Variants in LPP observed in about 807,000 individuals in gnomAD.
LPP encodes LIM domain containing preferred translocation partner in lipoma.
A neutral mutation model predicts 60.4 loss-of-function variants in LPP; 38 were observed. The observed-to-expected ratio is 0.63, with a 90% confidence interval of 0.49 to 0.83. LPP has a LOEUF of 0.83. Among genes scored for constraint, LPP ranks in the 40% least tolerant of loss-of-function variants. The probability of loss-of-function intolerance (pLI) is 0.00; values close to 1 mark genes in which losing one functional copy is unlikely to be tolerated. For missense variants in LPP, 902 were observed against 783.6 expected (o/e 1.15, Z -1.80); for synonymous variants, 328 against 290.8 (o/e 1.13, Z -1.30).
At position 188,747,746 on chromosome 3, in the gene LPP, TC is replaced by T. The variant is rs774665190; in HGVS notation, c.1241-12364del. Among the ~76,000 whole-genome samples, 157 of 152,314 alleles carry T rather than the reference TC, an allele frequency of 1.0e-3. 3 individuals carry two copies. Among genetic ancestry groups the T allele is most frequent in the Admixed American group, 7.8e-3 (120 of 15,290 alleles). On this transcript the variant is annotated intron_variant, in intron 8 of 11. Coordinates refer to ENST00000617246, the MANE Select transcript of LPP (RefSeq NM_001375462.1). ...CACACATATGTGTATTAATAACTGT[TC>T]CCTAGACGTCACTTCAGCGCTCAGA...
chr3:188,839,682 G>A (rs1466159554), intron 9 of LPP, among the ~76,000 whole-genome samples: 1 of 151,858 alleles, frequency 6.6e-6, no homozygotes, highest in African/African-American at 2.4e-5. Context: ...AGACCATCCT[G>A]GCCAACATGG....
intron 2 of LPP, among the ~76,000 whole-genome samples, chr3:188,249,829 TACACACACACACACACAC>T (rs61215623): frequency 4.5e-5 from 5 of 111,164 alleles, no homozygotes; most frequent in Admixed American, 9.9e-5. Flanking sequence ...TTTCTCTGTC[TACACACACACACACACAC>T]ACACACACAC....
chr3:188,419,533 T>C (rs1027656238), intron 4 of LPP, among the ~76,000 whole-genome samples: 1 of 152,192 alleles, frequency 6.6e-6, no homozygotes, highest in African/African-American at 2.4e-5. Context: ...ATTTTACCTC[T>C]TAATTCTCTG....
chr3:188,501,593 CA>C (rs1343482637), intron 5 of LPP, among the ~76,000 whole-genome samples: 2 of 152,156 alleles, frequency 1.3e-5, no homozygotes, highest in African/African-American at 4.8e-5. Flanking sequence ...ACTAAAATTA[CA>C]AAAAATTAGC....
rs1235790625 is a variant in LPP, at chr3:188,572,517, T to C, written c.430-36644T>C. Among the ~76,000 whole-genome samples the C allele has an allele frequency of 6.6e-6, 1 of 152,076 alleles. No homozygotes were observed. The highest frequency in any genetic ancestry group is 1.5e-5 in the Non-Finnish European group (1 of 68,018). On this transcript the variant is annotated intron_variant, in intron 6 of 11. Transcript: ENST00000617246. This position sits in a 1 kb window ranked among gnomAD's most constrained non-coding sequence, Gnocchi z 4.1. ...GTGAGCAGAGTGCAATGAAAGAATA[T>C]TTTGGATTGACCAAAAGTCTAGAGA...
chr3:188,725,077 T>G (rs1577211255), intron 8 of LPP, among the ~76,000 whole-genome samples: 2 of 152,372 alleles, frequency 1.3e-5, no homozygotes, highest in South Asian at 4.1e-4. Flanking sequence ...CAGACACTGA[T>G]TAACTGATTC....
chr3:188,825,197 C>G (rs1483552372), intron 9 of LPP, among the ~76,000 whole-genome samples: 1 of 150,484 alleles, frequency 6.6e-6, no homozygotes, highest in Non-Finnish European at 1.5e-5. Flanking sequence ...GAATAGTGAC[C>G]ATCTGTGCTG....
At chr3:188,258,573 G>A (rs1333720966) in intron 2 of LPP, among the ~76,000 whole-genome samples, 1 of 152,142 alleles carries the variant, frequency 6.6e-6, no homozygotes, top group Non-Finnish European at 1.5e-5. Context: ...CTCCCACCTT[G>A]GCCTCCCAAA....
chr3:188,714,465 T>A lies in LPP; in HGVS notation c.1240+6072T>A, dbSNP rs566606321. Among the ~76,000 whole-genome samples, 7 of 152,294 alleles carry A rather than the reference T, an allele frequency of 4.6e-5. No homozygotes were observed. In the South Asian group the frequency reaches 1.2e-3, roughly 27 times the overall value. Reference sequence around the variant, plus strand: ...TACCTACCTATCAGCCATTTTGCAGTCTGTAGTTCTTCTCTTGACCATGGG... The same window carrying A: ...TACCTACCTATCAGCCATTTTGCAGACTGTAGTTCTTCTCTTGACCATGGG... On this transcript the variant is annotated intron_variant, in intron 8 of 11. Transcript: ENST00000617246.
intron 9 of LPP, among the ~76,000 whole-genome samples, chr3:188,797,561 C>T (rs868536327): frequency 1.1e-4 from 17 of 152,266 alleles, no homozygotes; most frequent in Middle Eastern, 3.4e-3. Context: ...CCTGACCTGC[C>T]GTGTGTTCCC....
intron 3 of LPP, among the ~76,000 whole-genome samples, chr3:188,367,688 T>C (rs1771631427): frequency 6.6e-6 from 1 of 152,208 alleles, no homozygotes; most frequent in South Asian, 2.1e-4. Flanking sequence ...AAATACTAGA[T>C]TCATAAATGG....
intron 2 of LPP, among the ~76,000 whole-genome samples, chr3:188,257,521 AAC>A (rs1732061457): frequency 6.6e-6 from 1 of 152,228 alleles, no homozygotes; most frequent in Non-Finnish European, 1.5e-5. Context: ...ATGTAGTTTA[AAC>A]AGACTGGTTT....
chr3:188,245,362 C>T (rs1039749336), intron 2 of LPP, among the ~76,000 whole-genome samples: 3 of 152,270 alleles, frequency 2.0e-5, no homozygotes, highest in South Asian at 2.1e-4. Flanking sequence ...CTGCCTGCCT[C>T]GGCCTCCCAA....
intron 5 of LPP, among the ~76,000 whole-genome samples, chr3:188,518,386 A>AG (rs1817988004): frequency 6.6e-6 from 1 of 152,206 alleles, no homozygotes; most frequent in African/African-American, 2.4e-5. Flanking sequence ...ACACAATGTA[A>AG]TTTTTGTATT....
At chr3:188,466,235 G>A (rs1332636675) in intron 4 of LPP, among the ~76,000 whole-genome samples, 3 of 152,090 alleles carry the variant, frequency 2.0e-5, no homozygotes, top group African/African-American at 4.8e-5. Context: ...TATTGTCCAC[G>A]TTACTGGTTG....
intron 9 of LPP, among the ~76,000 whole-genome samples, chr3:188,813,817 C>T (rs1175911844): frequency 6.6e-6 from 1 of 152,138 alleles, no homozygotes; most frequent in African/African-American, 2.4e-5. Context: ...TAACTGTAAT[C>T]TCAGCACTTC....
chr3:188,332,581 G>T (rs1416163202), intron 2 of LPP, among the ~76,000 whole-genome samples: 1 of 152,156 alleles, frequency 6.6e-6, no homozygotes, highest in Non-Finnish European at 1.5e-5. Context: ...ATGCTGGATA[G>T]ACTTTGGGTT....
intron 9 of LPP, among the ~76,000 whole-genome samples, chr3:188,848,000 G>C (rs1761873977): frequency 6.6e-6 from 1 of 152,202 alleles, no homozygotes; most frequent in South Asian, 2.1e-4. Flanking sequence ...TCAGGCACTT[G>C]TGGGACCCTG....
chr3:188,393,501 C>A (rs1443284902), intron 3 of LPP, among the ~76,000 whole-genome samples: 2 of 152,106 alleles, frequency 1.3e-5, no homozygotes, highest in Non-Finnish European at 2.9e-5. Context: ...GACTAAACGA[C>A]CAAAACCTCA....
Sources: allele counts gnomAD v4.1 joint callset (sites outside exome capture counted in the v4.1 genomes callset), GRCh38; gene constraint gnomAD v4.1.1; non-coding constraint Gnocchi (gnomAD v3.1); transcripts MANE v1.5; gene names NCBI Gene and HGNC (gene_info 2026-07-23, HGNC 2026-07-21).